The following NFASC variants were observed in gnomAD, a reference collection of about 807,000 sequenced individuals.
The protein encoded by NFASC is neurofascin.
Under a neutral mutation model 147.5 loss-of-function variants are expected in NFASC, and 43 were observed. The observed-to-expected ratio is 0.29, with a 90% CI of 0.23 to 0.38. The LOEUF (loss-of-function observed/expected upper bound fraction) is 0.38. Among genes scored for constraint, NFASC ranks in the 10% least tolerant of loss-of-function variants. The pLI is 1.00. For missense variants in NFASC, 1,320 were observed against 1,689.0 expected (o/e 0.78, Z 3.83); for synonymous variants, 622 against 665.5 (o/e 0.93, Z 1.01).
At chr1:204,923,871 A>G (rs1185364440) in intron 2 of NFASC, among the ~76,000 whole-genome samples, 2 of 152,122 alleles carry the variant, frequency 1.3e-5, no homozygotes, top group African/African-American at 4.8e-5. Context: ...GCAGTGATGC[A>G]ATCATGTCTA....
chr1:204,885,129 T>A (rs750344000), intron 1 of NFASC, among the ~76,000 whole-genome samples: 7 of 152,042 alleles, frequency 4.6e-5, no homozygotes, highest in Non-Finnish European at 1.0e-4. Flanking sequence ...TTTTTTAATA[T>A]GTAAAATAAA....
intron 11 of NFASC, 92 bp downstream of exon 11, chr1:204,970,839 A>G: frequency 6.6e-7 from 1 of 1,525,084 alleles, no homozygotes. Context: ...TGGTCACACT[A>G]GAAGTTCAGG....
chr1:204,829,683 G>A (rs1016799076), intron 1 of NFASC, among the ~76,000 whole-genome samples: 4 of 152,128 alleles, frequency 2.6e-5, no homozygotes, highest in Non-Finnish European at 5.9e-5. Context: ...GGGGTGCTAG[G>A]CATTGGGAAA....
At chr1:204,925,213 A>G (rs2091274753) in intron 2 of NFASC, among the ~76,000 whole-genome samples, 1 of 152,234 alleles carries the variant, frequency 6.6e-6, no homozygotes, top group African/African-American at 2.4e-5. Flanking sequence ...ATTAGGTGCT[A>G]TACATGTACA....
chr1:205,016,202 C>G lies in NFASC; in HGVS notation c.3492-106C>G. On this transcript the variant is annotated intron_variant, in intron 29 of 29. Transcript: ENST00000339876. The surrounding 1 kb of genome is among the most constrained non-coding windows in gnomAD (Gnocchi z 5.1). ...AGGGTGAAGCGGGGGCTGGACTGGG[C>G]GGTCTCCTGGATCCCATCCTCTCTG... is the stretch of plus-strand genomic sequence containing the variant. 2 of 775,582 alleles carry G rather than the reference C, an allele frequency of 2.6e-6. No individual in the cohort carries two copies. The highest frequency in any genetic ancestry group is 3.1e-5 in the South Asian group (2 of 65,536). The allele number at this position is 775,582 out of a possible 1,614,324, so 48.0% of individuals were successfully genotyped here. A position where few individuals can be genotyped will look rare whatever the true frequency, so the allele number is the denominator to read the frequency against.
chr1:204,877,027 T>A lies in NFASC; in HGVS notation c.-199-43605T>A, dbSNP rs7411808. On this transcript the variant is annotated intron_variant, in intron 1 of 29. Coordinates refer to ENST00000339876, the MANE Select transcript of NFASC (RefSeq NM_001005388.3). The stretch of plus-strand genomic sequence containing the variant: ...ATATATATATATATATATATATATA[T>A]AATATATATTTATATATATATAATA... Among the ~76,000 whole-genome samples, 214 of 85,102 alleles carry A rather than the reference T, an allele frequency of 2.5e-3. 7 individuals are homozygous for A. Among genetic ancestry groups the A allele is most frequent in the Middle Eastern group, 5.0e-3 (1 of 200 alleles). The allele number at this position is 85,102 out of a possible 152,430, so 55.8% of individuals were successfully genotyped here. A position where few individuals can be genotyped will look rare whatever the true frequency, so the allele number is the denominator to read the frequency against.
chr1:204,890,526 GA>G (rs1177468733), intron 1 of NFASC, among the ~76,000 whole-genome samples: 1 of 151,808 alleles, frequency 6.6e-6, no homozygotes, highest in African/African-American at 2.4e-5. Flanking sequence ...AGGTCCTTGA[GA>G]AAAAGGATGC....
intron 24 of NFASC, among the ~76,000 whole-genome samples, chr1:204,991,514 A>G (rs1472154695): frequency 1.3e-5 from 2 of 152,104 alleles, no homozygotes; most frequent in Admixed American, 6.5e-5. Context: ...CCCCTTCCCA[A>G]ACTATTTGCC....
intron 27 of NFASC, 101 bp downstream of exon 27, chr1:205,002,849 C>T: frequency 1.1e-6 from 1 of 928,340 alleles, no homozygotes; most frequent in Non-Finnish European, 1.5e-6. Flanking sequence ...AAGACTCATC[C>T]CCCACCCCAT....
Position 204,954,750 on chromosome 1 carries a change from A to G in NFASC, c.413-79A>G, listed in dbSNP as rs550625867. The G allele has an allele frequency of 1.8e-5, 28 of 1,528,278 alleles. No homozygotes were observed. The highest frequency in any genetic ancestry group is 1.6e-4 in the African/African-American group (12 of 72,882). The allele number at this position is 1,528,278 out of a possible 1,614,324, so 94.7% of individuals were successfully genotyped here. ...TGCCCCTTCTGTTTCTCCTCCTTGC[A>G]TGCCTGCCTCTGACCCTGCTCCTTG... is the stretch of plus-strand genomic sequence containing the variant. On this transcript the variant is annotated intron_variant, in intron 6 of 29. Transcript: ENST00000339876. This position sits in a 1 kb window ranked among gnomAD's most constrained non-coding sequence, Gnocchi z 5.7.
At position 204,830,572 on chromosome 1, in the gene NFASC, G is replaced by GGTGTGTTGTGTGTGTTGTGATGTGTGT. The variant is rs1263064583; in HGVS notation, c.-200+1801_-200+1827dup. On this transcript the variant is annotated intron_variant, in intron 1 of 29. Coordinates refer to ENST00000339876, the MANE Select transcript of NFASC (RefSeq NM_001005388.3). ...CCTTGTCTTTGGATTCAACTGAAGG[G>GGTGTGTTGTGTGTGTTGTGATGTGTGT]GTGTGTTGTGTGTGTTGTGATGTGT... Among the ~76,000 whole-genome samples, 3 of 151,956 alleles carry GGTGTGTTGTGTGTGTTGTGATGTGTGT rather than the reference G, an allele frequency of 2.0e-5. No individual in the cohort carries two copies. In the East Asian group the frequency reaches 5.8e-4, roughly 29 times the overall value.
chr1:204,946,453 G>A, intron 3 of NFASC: 1 of 426,780 alleles, frequency 2.3e-6, no homozygotes, highest in Admixed American at 2.4e-5. Flanking sequence ...CTGTGTCGGG[G>A]CAGGAGACCC....
intron 2 of NFASC, 116 bp from the exon 3 acceptor site, chr1:204,944,110 C>G: frequency 1.1e-6 from 1 of 885,978 alleles, no homozygotes; most frequent in Non-Finnish European, 1.7e-6. Context: ...TCTGCTCTAT[C>G]TAGAACATTA....
intron 21 of NFASC, among the ~76,000 whole-genome samples, chr1:204,982,440 C>T (rs1185243569): frequency 6.6e-6 from 1 of 152,228 alleles, no homozygotes; most frequent in Non-Finnish European, 1.5e-5. Context: ...TAATTAGACA[C>T]TTCTGTAGGA....
At chr1:204,977,134 A>C in intron 16 of NFASC, 1 of 1,144,706 alleles carries the variant, frequency 8.7e-7, no homozygotes, top group Non-Finnish European at 1.1e-6. Context: ...AAAACAATCC[A>C]TCCTTAAAGC....
chr1:204,912,343 A>G (rs1030896841), intron 1 of NFASC, among the ~76,000 whole-genome samples: 1 of 151,858 alleles, frequency 6.6e-6, no homozygotes, highest in Non-Finnish European at 1.5e-5. Flanking sequence ...ATTTTTATTC[A>G]GTTCAATGTA....
intron 26 of NFASC, among the ~76,000 whole-genome samples, chr1:205,001,575 G>T (rs979453486): frequency 6.6e-6 from 1 of 152,162 alleles, no homozygotes; most frequent in African/African-American, 2.4e-5. Flanking sequence ...TCCTGCCCAG[G>T]ATGAGGGTTC....
intron 13 of NFASC, 72 bp from the exon 14 acceptor site, chr1:204,974,585 G>A (rs2095354090): frequency 1.3e-6 from 2 of 1,536,828 alleles, no homozygotes; most frequent in Non-Finnish European, 1.8e-6. Flanking sequence ...GGTCTCTCTT[G>A]ATTGGCTGCT....
chr1:204,832,505 G>A (rs2102355521), intron 1 of NFASC, among the ~76,000 whole-genome samples: 1 of 152,232 alleles, frequency 6.6e-6, no homozygotes, highest in South Asian at 2.1e-4. Flanking sequence ...GCAAGTTGTT[G>A]GTAAGCAGGA....
Sources: allele counts gnomAD v4.1 joint callset (sites outside exome capture counted in the v4.1 genomes callset), GRCh38; gene constraint gnomAD v4.1.1; non-coding constraint Gnocchi (gnomAD v3.1); transcripts MANE v1.5; gene names NCBI Gene and HGNC (gene_info 2026-07-23, HGNC 2026-07-21).